Variants in MAST2 observed in about 807,000 individuals in gnomAD.
MAST2 encodes microtubule associated serine/threonine kinase 2.
A neutral mutation model predicts 147.4 loss-of-function variants in MAST2; 70 were observed. That is an observed-to-expected ratio of 0.47 (90% CI 0.39 to 0.58). The LOEUF (loss-of-function observed/expected upper bound fraction) is 0.58, where lower values mean the gene tolerates loss of function less well. Ranked by LOEUF, MAST2 falls within the 20% of genes least tolerant of loss-of-function variation. MAST2 has a pLI of 0.00. For synonymous variants in MAST2, 869 were observed against 896.8 expected, an observed-to-expected ratio of 0.97 and a Z score of 0.55; for missense variants, 2,080 against 2,302.3, an observed-to-expected ratio of 0.90 and a Z score of 1.98.
chr1:45,965,873 G>A (rs1661119860), intron 5 of MAST2, among the ~76,000 whole-genome samples: 1 of 152,028 alleles, frequency 6.6e-6, no homozygotes, highest in Non-Finnish European at 1.5e-5. Context: ...CAGTTGATGA[G>A]CCTACACTGA....
intron 4 of MAST2, among the ~76,000 whole-genome samples, chr1:45,884,178 G>T (rs1646978745): frequency 6.6e-6 from 1 of 151,918 alleles, no homozygotes; most frequent in African/African-American, 2.4e-5. Context: ...ATAAGGATCA[G>T]AAATAGATTT....
intron 4 of MAST2, among the ~76,000 whole-genome samples, chr1:45,943,095 G>A (rs1415896941): frequency 6.6e-6 from 1 of 152,278 alleles, no homozygotes; most frequent in Non-Finnish European, 1.5e-5. Context: ...GTATACATTT[G>A]GGATAAGGGT....
In MAST2 at chr1:46,031,050, A is replaced by G. The variant is rs1646641568; in HGVS notation, c.2752A>G (p.Ser918Gly). Residue 918 changes from serine to glycine, a missense_variant, in exon 23 of 29, where the codon AGT becomes GGT. Coordinates refer to ENST00000361297, the MANE Select transcript of MAST2 (RefSeq NM_015112.3). This position sits in a 1 kb window ranked among gnomAD's most constrained non-coding sequence, Gnocchi z 4.1. ...LSVSESSHTE[S>G]DSSPPMTVRR... ...GGTGTCTGAGTCATCCCACACAGAG[A>G]GTGACTCAAGCCCTCCAATGACAGT... is the stretch of plus-strand genomic sequence containing the variant. 1 of 1,613,776 alleles carries G rather than the reference A, an allele frequency of 6.2e-7. No homozygotes were observed. Among genetic ancestry groups the G allele is most frequent in the Non-Finnish European group, 8.5e-7 (1 of 1,179,850 alleles).
chr1:46,024,173 C>G, intron 15 of MAST2, 193 bp downstream of exon 15: 1 of 586,924 alleles, frequency 1.7e-6, no homozygotes, highest in Non-Finnish European at 3.1e-6. Flanking sequence ...CTGCCTCTAC[C>G]ATGAGAGGCA....
intron 1 of MAST2, among the ~76,000 whole-genome samples, chr1:45,815,996 T>G (rs962322972): frequency 6.6e-6 from 1 of 152,090 alleles, no homozygotes; most frequent in Non-Finnish European, 1.5e-5. Flanking sequence ...CATACAGAAA[T>G]CCATTTATTT....
At chr1:45,939,979 G>GTTTTTTTTT (rs148351945) in intron 4 of MAST2, among the ~76,000 whole-genome samples, 4 of 28,656 alleles carry the variant, frequency 1.4e-4, no homozygotes, top group African/African-American at 1.8e-4. Flanking sequence ...ATTTATTTAG[G>GTTTTTTTTT]GTTTTTTTTT....
intron 4 of MAST2, among the ~76,000 whole-genome samples, chr1:45,918,839 G>C (rs190165660): frequency 3.3e-5 from 5 of 152,266 alleles, no homozygotes; most frequent in African/African-American, 1.2e-4. Context: ...TGGGCTGGGC[G>C]CAGTGGCTTA....
intron 12 of MAST2, among the ~76,000 whole-genome samples, chr1:46,022,488 G>A (rs1646229291): frequency 6.6e-6 from 1 of 152,082 alleles, no homozygotes; most frequent in African/African-American, 2.4e-5. Context: ...CATTCTTCTG[G>A]GCTTCCTGCT....
intron 3 of MAST2, among the ~76,000 whole-genome samples, chr1:45,848,445 A>G (rs1037140481): frequency 6.6e-6 from 1 of 152,174 alleles, no homozygotes; most frequent in African/African-American, 2.4e-5. Context: ...AACTTTGGAC[A>G]CTGAGTCTTT....
intron 4 of MAST2, among the ~76,000 whole-genome samples, chr1:45,931,771 G>C (rs529945312): frequency 2.0e-5 from 3 of 152,002 alleles, no homozygotes; most frequent in African/African-American, 7.2e-5. Context: ...TGGGATTACA[G>C]GTGTGAGCCA....
rs146787145 is a variant in MAST2, at chr1:45,821,549, C to T, written c.178-2884C>T. 2.8e-3 allele frequency among the ~76,000 whole-genome samples: 339 copies of T among 119,792 alleles called. 2 individuals are homozygous for T. The highest frequency in any genetic ancestry group is 0.021 in the East Asian group (83 of 4,044). The allele number at this position is 119,792 out of a possible 152,430, so 78.6% of individuals were successfully genotyped here. A position where few individuals can be genotyped will look rare whatever the true frequency, so the allele number is the denominator to read the frequency against. Reference sequence around the variant, plus strand: ...TTTTTTTTTTTTTTTGAGACAGAGTCTCGTTCTGTTACCCAGGCTGAAGTG... The same window carrying T: ...TTTTTTTTTTTTTTTGAGACAGAGTTTCGTTCTGTTACCCAGGCTGAAGTG... On this transcript the variant is annotated intron_variant, in intron 1 of 28. Coordinates refer to ENST00000361297, the MANE Select transcript of MAST2 (RefSeq NM_015112.3).
chr1:45,860,557 C>A (rs889159402), intron 3 of MAST2, among the ~76,000 whole-genome samples: 1 of 152,158 alleles, frequency 6.6e-6, no homozygotes, highest in South Asian at 2.1e-4. Context: ...CTTGGCCGGG[C>A]GCAGTGGCTG....
intron 4 of MAST2, among the ~76,000 whole-genome samples, chr1:45,927,132 C>T (rs905796725): frequency 3.9e-5 from 6 of 152,016 alleles, no homozygotes; most frequent in Admixed American, 2.0e-4. Flanking sequence ...AGGGAGTGTG[C>T]GAATAGGTGT....
chr1:46,018,734 G>A (rs1478101324), intron 10 of MAST2, among the ~76,000 whole-genome samples: 1 of 152,100 alleles, frequency 6.6e-6, no homozygotes, highest in Non-Finnish European at 1.5e-5. Flanking sequence ...TATTAGAGGT[G>A]GGAGGGAAGG....
At chr1:45,829,109 GTGA>G (rs985347225) in intron 2 of MAST2, among the ~76,000 whole-genome samples, 2 of 152,106 alleles carry the variant, frequency 1.3e-5, no homozygotes, top group Non-Finnish European at 2.9e-5. Context: ...TTACATTGAG[GTGA>G]TGAGAAACTA....
chr1:45,860,699 G>A (rs1645950822), intron 3 of MAST2, among the ~76,000 whole-genome samples: 1 of 151,834 alleles, frequency 6.6e-6, no homozygotes, highest in Non-Finnish European at 1.5e-5. Context: ...AAGCGTAGTG[G>A]CGGGTGCCTG....
At chr1:45,810,204 A>C (rs1048393982) in intron 1 of MAST2, among the ~76,000 whole-genome samples, 1 of 152,214 alleles carries the variant, frequency 6.6e-6, no homozygotes, top group Non-Finnish European at 1.5e-5. Flanking sequence ...ATATGATAGG[A>C]GTAGACAAAG....
At chr1:46,020,658 T>C (rs1450241755) in intron 11 of MAST2, among the ~76,000 whole-genome samples, 3 of 152,190 alleles carry the variant, frequency 2.0e-5, no homozygotes, top group African/African-American at 7.2e-5. Flanking sequence ...TTCTGTCATA[T>C]AAGTTCCCTT....
chr1:46,006,421 C>A, intron 8 of MAST2, 26 bp downstream of exon 8: 2 of 1,600,324 alleles, frequency 1.2e-6, no homozygotes, highest in African/African-American at 1.3e-5. Flanking sequence ...GCCCACTGTT[C>A]CAGTGCATGT....
Sources: allele counts gnomAD v4.1 joint callset (sites outside exome capture counted in the v4.1 genomes callset), GRCh38; gene constraint gnomAD v4.1.1; non-coding constraint Gnocchi (gnomAD v3.1); transcripts MANE v1.5; gene names NCBI Gene and HGNC (gene_info 2026-07-23, HGNC 2026-07-21).